The following SLC2A13 variants were observed in gnomAD, a reference collection of about 807,000 sequenced individuals.
SLC2A13 encodes the protein proton myo-inositol cotransporter.
A neutral mutation model predicts 64.4 loss-of-function variants in SLC2A13; 32 were observed. That is an observed-to-expected ratio of 0.50 (90% CI 0.37 to 0.67). SLC2A13 has a LOEUF of 0.67. Among genes scored for constraint, SLC2A13 ranks in the 30% least tolerant of loss-of-function variants. The probability of loss-of-function intolerance (pLI) is 0.00; values close to 1 mark genes in which losing one functional copy is unlikely to be tolerated. For synonymous variants in SLC2A13, 338 were observed against 327.1 expected, an observed-to-expected ratio of 1.03 and a Z score of -0.36; for missense variants, 743 against 829.2, an observed-to-expected ratio of 0.90 and a Z score of 1.28.
At chr12:39,987,706 C>A (rs924875397) in intron 3 of SLC2A13, among the ~76,000 whole-genome samples, 1 of 152,034 alleles carries the variant, frequency 6.6e-6, no homozygotes, top group Non-Finnish European at 1.5e-5. Flanking sequence ...TGATAAATTA[C>A]AAATATATTT....
chr12:40,050,617 TA>T (rs1948239409), intron 1 of SLC2A13, among the ~76,000 whole-genome samples: 1 of 152,224 alleles, frequency 6.6e-6, no homozygotes, highest in Non-Finnish European at 1.5e-5. Flanking sequence ...ATCCTCAGGA[TA>T]TCCCTTTAAA....
In SLC2A13 at chr12:40,105,761, C is replaced by T; in HGVS notation, c.48G>A (p.Leu16=). Residue 16 remains leucine (L), a synonymous_variant, in exon 1 of 10, where the codon CTG becomes CTA. Coordinates refer to ENST00000280871, the MANE Select transcript of SLC2A13 (RefSeq NM_052885.4). The surrounding 1 kb of genome is among the most constrained non-coding windows in gnomAD (Gnocchi z 4.2). The part of the protein sequence containing the change: ...SENVEYTLRS[L]SSLMGERRRK... ...TGCGCCGCTCGCCCATCAGGCTGCT[C>T]AGGCTCCGCAGCGTGTACTCCACAT... 6.7e-7 allele frequency: 1 copy of T among 1,490,216 alleles called. No individual in the cohort carries two copies. Among genetic ancestry groups the T allele is most frequent in the Non-Finnish European group, 8.9e-7 (1 of 1,120,502 alleles). 92.3% of individuals were successfully genotyped at this position (1,490,216 alleles called of 1,614,324 possible).
chr12:39,894,546 T>C (rs557517509), intron 4 of SLC2A13, among the ~76,000 whole-genome samples: 92 of 152,370 alleles, frequency 6.0e-4, no homozygotes, highest in African/African-American at 2.2e-3. Context: ...TTAGCTTGCA[T>C]ACTGAAGTGG....
intron 4 of SLC2A13, among the ~76,000 whole-genome samples, chr12:39,893,549 C>T (rs547705074): frequency 3.9e-5 from 6 of 152,318 alleles, no homozygotes; most frequent in East Asian, 1.9e-4. Context: ...ATCTGCCCGC[C>T]TTGGTCTCCC....
At chr12:39,779,810 A>C (rs1341314341) in intron 7 of SLC2A13, among the ~76,000 whole-genome samples, 2 of 152,234 alleles carry the variant, frequency 1.3e-5, no homozygotes, top group Non-Finnish European at 2.9e-5. Context: ...TAAAAATTTC[A>C]AACTACACCA....
intron 1 of SLC2A13, among the ~76,000 whole-genome samples, chr12:40,074,858 G>C (rs756059582): frequency 6.6e-6 from 1 of 152,154 alleles, no homozygotes; most frequent in Admixed American, 6.5e-5. Flanking sequence ...GCTTTAGTGA[G>C]GCTGTGCCTC....
Position 39,987,940 on chromosome 12 carries a change from G to A in SLC2A13, c.926-36575C>T, listed in dbSNP as rs375605937. 8.2e-4 allele frequency among the ~76,000 whole-genome samples: 125 copies of A among 152,136 alleles called. 2 individuals carry two copies. In the East Asian group the frequency reaches 0.018, roughly 22 times the overall value. ...TTAAAATAAAGGCACACAAGAAAAA[G>A]AGTGAAATCCCCCACTGACCCTCCA... On this transcript the variant is annotated intron_variant, in intron 3 of 9. Coordinates refer to ENST00000280871, the MANE Select transcript of SLC2A13 (RefSeq NM_052885.4).
In SLC2A13 at chr12:39,764,741, T is replaced by C; in HGVS notation, c.1563A>G (p.Ala521=). The C allele has an allele frequency of 6.2e-7, 1 of 1,612,240 alleles. No homozygotes were observed. Among genetic ancestry groups the C allele is most frequent in the Non-Finnish European group, 8.5e-7 (1 of 1,179,174 alleles). The part of the protein sequence containing the change: ...LGLILYLVFF[A]PGMGPMPWTV... ...TATAACAAAGTCTTTGTTTACCAGG[T>C]GCAAAGAAGACAAGATATAAAATAA... Residue 521 remains alanine (A), a synonymous_variant, in exon 8 of 10, where the codon GCA becomes GCG. Transcript: ENST00000280871.
chr12:39,969,932 G>T (rs1244706540), intron 3 of SLC2A13, among the ~76,000 whole-genome samples: 1 of 152,130 alleles, frequency 6.6e-6, no homozygotes, highest in East Asian at 1.9e-4. Flanking sequence ...TATGGTTTTA[G>T]GTCTAACATG....
At chr12:40,042,710 T>C (rs1948108782) in intron 2 of SLC2A13, among the ~76,000 whole-genome samples, 1 of 152,018 alleles carries the variant, frequency 6.6e-6, no homozygotes. Context: ...CCTTCCTAGA[T>C]CTAAAAATGA....
intron 6 of SLC2A13, among the ~76,000 whole-genome samples, chr12:39,861,375 A>G (rs532728155): frequency 6.6e-5 from 10 of 152,242 alleles, no homozygotes; most frequent in Non-Finnish European, 1.3e-4. Flanking sequence ...TGAAGAAATA[A>G]TAAGTGAATA....
chr12:40,023,854 A>G (rs768623567), intron 3 of SLC2A13, among the ~76,000 whole-genome samples: 1 of 152,254 alleles, frequency 6.6e-6, no homozygotes, highest in African/African-American at 2.4e-5. Flanking sequence ...AAGCCAATGA[A>G]TGAAAACTGG....
intron 4 of SLC2A13, among the ~76,000 whole-genome samples, chr12:39,930,868 A>C (rs1752464077): frequency 6.6e-6 from 1 of 152,192 alleles, no homozygotes; most frequent in Admixed American, 6.5e-5. Context: ...GCTTTAATAG[A>C]TCAATCTCCA....
chr12:40,048,453 C>T (rs1008005345), intron 1 of SLC2A13, among the ~76,000 whole-genome samples: 5 of 152,054 alleles, frequency 3.3e-5, no homozygotes, highest in Non-Finnish European at 7.4e-5. Flanking sequence ...GAAAGCACCC[C>T]TAAAGACCTA....
intron 2 of SLC2A13, among the ~76,000 whole-genome samples, chr12:40,028,733 C>A (rs1208727604): frequency 6.6e-6 from 1 of 152,136 alleles, no homozygotes; most frequent in Admixed American, 6.6e-5. Context: ...ACCTTTCCCA[C>A]AAATTACATT....
At chr12:39,926,867 G>A (rs1014840466) in intron 4 of SLC2A13, among the ~76,000 whole-genome samples, 2 of 151,990 alleles carry the variant, frequency 1.3e-5, no homozygotes, top group East Asian at 1.9e-4. Context: ...CTCCTGCCTC[G>A]GCCTCCCAAA....
At chr12:39,833,482 A>T (rs1009788903) in intron 6 of SLC2A13, among the ~76,000 whole-genome samples, 2 of 151,966 alleles carry the variant, frequency 1.3e-5, no homozygotes, top group East Asian at 3.9e-4. Flanking sequence ...CTTCATGTGA[A>T]TCCTTCTAAC....
chr12:40,012,447 G>C (rs189860205), intron 3 of SLC2A13, among the ~76,000 whole-genome samples: 1 of 152,306 alleles, frequency 6.6e-6, no homozygotes, highest in Admixed American at 6.5e-5. Context: ...TTCACTCCAG[G>C]TGTAGAAACT....
chr12:39,920,207 T>C (rs1410427494), intron 4 of SLC2A13, among the ~76,000 whole-genome samples: 2 of 152,124 alleles, frequency 1.3e-5, no homozygotes, highest in Non-Finnish European at 2.9e-5. Context: ...GTGCATGTAT[T>C]TTTTAACCTT....
Sources: allele counts gnomAD v4.1 joint callset (sites outside exome capture counted in the v4.1 genomes callset), GRCh38; gene constraint gnomAD v4.1.1; non-coding constraint Gnocchi (gnomAD v3.1); transcripts MANE v1.5; gene names NCBI Gene and HGNC (gene_info 2026-07-23, HGNC 2026-07-21).